HCRTR2: variants seen among roughly 807,000 people sequenced by gnomAD.
HCRTR2 encodes orexin receptor type 2.
A neutral mutation model predicts 49.0 loss-of-function variants in HCRTR2; 22 were observed. The observed-to-expected ratio is 0.45, with a 90% CI of 0.32 to 0.64. The LOEUF (loss-of-function observed/expected upper bound fraction) is 0.64, where lower values mean the gene tolerates loss of function less well. Ranked by LOEUF, HCRTR2 falls within the 30% of genes least tolerant of loss-of-function variation. The pLI is 0.04. For synonymous variants in HCRTR2, 236 were observed against 205.3 expected (o/e 1.15, Z -1.28); for missense variants, 491 against 559.4 (o/e 0.88, Z 1.23).
chr6:55,186,374 C>A (rs1765216525), intron 1 of HCRTR2, among the ~76,000 whole-genome samples: 1 of 151,978 alleles, frequency 6.6e-6, no homozygotes, highest in Non-Finnish European at 1.5e-5. Context: ...TTGTTTTATA[C>A]CTTGAGTAAC....
chr6:55,122,297 A>G (rs1487293958), intron 1 of HCRTR2, among the ~76,000 whole-genome samples: 1 of 152,064 alleles, frequency 6.6e-6, no homozygotes, highest in African/African-American at 2.4e-5. Flanking sequence ...TTTCTGTGGA[A>G]TCAGTGGTGA....
chr6:55,153,481 G>T (rs1474364442), intron 1 of HCRTR2, among the ~76,000 whole-genome samples: 1 of 151,932 alleles, frequency 6.6e-6, no homozygotes. Context: ...CATAGAAAAA[G>T]TACAGTAAAA....
At chr6:55,185,288 A>G (rs991753307) in intron 1 of HCRTR2, among the ~76,000 whole-genome samples, 4 of 152,192 alleles carry the variant, frequency 2.6e-5, no homozygotes, top group South Asian at 2.1e-4. Context: ...CTTTGGACAC[A>G]GGAAAACCTA....
intron 1 of HCRTR2, among the ~76,000 whole-genome samples, chr6:55,176,792 T>C (rs1765048047): frequency 6.6e-6 from 1 of 152,174 alleles, no homozygotes; most frequent in Non-Finnish European, 1.5e-5. Flanking sequence ...GTTTATTAGA[T>C]GTGTTCCTGT....
chr6:55,133,673 CT>C (rs1424885417), intron 1 of HCRTR2, among the ~76,000 whole-genome samples: 1 of 138,456 alleles, frequency 7.2e-6, no homozygotes, highest in Non-Finnish European at 1.6e-5. Flanking sequence ...ATCTATCTAT[CT>C]ATCTATCTAT....
intron 1 of HCRTR2, among the ~76,000 whole-genome samples, chr6:55,122,162 A>G (rs1471343430): frequency 1.3e-5 from 2 of 152,006 alleles, no homozygotes; most frequent in African/African-American, 4.8e-5. Context: ...GTCTATTCAG[A>G]GATTCAACTT....
chr6:55,180,965 ATT>A (rs11441768), intron 1 of HCRTR2, among the ~76,000 whole-genome samples: 6 of 139,340 alleles, frequency 4.3e-5, no homozygotes, highest in African/African-American at 5.3e-5. Flanking sequence ...ATGCCCAGCT[ATT>A]TTTTTTTTTT....
chr6:55,120,279 C>A (rs1764177877), intron 1 of HCRTR2, among the ~76,000 whole-genome samples: 1 of 150,134 alleles, frequency 6.7e-6, no homozygotes, highest in Non-Finnish European at 1.5e-5. Flanking sequence ...CATATTTTTT[C>A]CAATTCTGTG....
Position 55,166,236 on chromosome 6 carries a change from T to C in HCRTR2, c.-377-7975T>C, listed in dbSNP as rs77612804. ...TTGGATTCACTTTGCTGATATTTTG[T>C]TGAGGATTTCTGCATCTATAATCAT... On this transcript the variant is annotated intron_variant, in intron 1 of 7. Transcript: ENST00000615358. Among the ~76,000 whole-genome samples the C allele has an allele frequency of 4.3e-3, 658 of 152,234 alleles. 7 individuals are homozygous for C. The highest frequency in any genetic ancestry group is 0.015 in the African/African-American group (616 of 41,562).
chr6:55,227,496 G>A (rs1341198808), intron 1 of HCRTR2, among the ~76,000 whole-genome samples: 1 of 152,282 alleles, frequency 6.6e-6, no homozygotes, highest in Non-Finnish European at 1.5e-5. Flanking sequence ...AACATGGAAA[G>A]CATTAATGTT....
chr6:55,251,262 T>C (rs1243080975), intron 2 of HCRTR2, among the ~76,000 whole-genome samples: 2 of 152,138 alleles, frequency 1.3e-5, no homozygotes, highest in Non-Finnish European at 2.9e-5. Context: ...AATTTATATG[T>C]TCTTTTTCTT....
chr6:55,162,913 A>C (rs930655867), intron 1 of HCRTR2, among the ~76,000 whole-genome samples: 1 of 152,194 alleles, frequency 6.6e-6, no homozygotes, highest in African/African-American at 2.4e-5. Flanking sequence ...TATAGACTCA[A>C]TGCTATGTTC....
rs1767205169 is a variant in HCRTR2 at position 55,282,250 on chromosome 6, T to C, written c.1131T>C (p.Ala377=). 26 of 1,613,766 alleles carry C rather than the reference T, an allele frequency of 1.6e-5. No individual in the cohort carries two copies. The highest frequency in any genetic ancestry group is 2.1e-5 in the Non-Finnish European group (25 of 1,179,832). The change falls in exon 7 of 7, where the codon GCT becomes GCC. Residue 377 remains alanine (A), a synonymous_variant. Transcript: ENST00000370862. ...LSGKFREEFK[A]AFSCCCLGVH... ...GAAAATTTCGAGAGGAATTTAAAGC[T>C]GCGTTTTCTTGCTGTTGCCTTGGAG...
At chr6:55,262,849 A>G (rs1766793575) in intron 3 of HCRTR2, among the ~76,000 whole-genome samples, 1 of 149,920 alleles carries the variant, frequency 6.7e-6, no homozygotes, top group African/African-American at 2.4e-5. Flanking sequence ...ATATTAAACC[A>G]CAATGCCATG....
intron 1 of HCRTR2, among the ~76,000 whole-genome samples, chr6:55,158,010 G>A (rs1164391465): frequency 6.6e-6 from 1 of 152,158 alleles, no homozygotes; most frequent in East Asian, 1.9e-4. Flanking sequence ...TCCAGGAGGT[G>A]GCTGGCAAGA....
chr6:55,118,122 G>T (rs901470552), intron 1 of HCRTR2, among the ~76,000 whole-genome samples: 5 of 151,674 alleles, frequency 3.3e-5, no homozygotes, highest in Non-Finnish European at 7.4e-5. Flanking sequence ...TCATCATTTA[G>T]CTCCCACCTA....
chr6:55,131,647 T>C (rs1442140032), intron 1 of HCRTR2, among the ~76,000 whole-genome samples: 1 of 151,832 alleles, frequency 6.6e-6, no homozygotes, highest in Admixed American at 6.6e-5. Flanking sequence ...AATAACAATT[T>C]TGAAAATAGT....
intron 1 of HCRTR2, among the ~76,000 whole-genome samples, chr6:55,137,745 C>T (rs759299732): frequency 3.3e-5 from 5 of 152,130 alleles, no homozygotes; most frequent in African/African-American, 1.2e-4. Context: ...ACAAAAAAGA[C>T]AGAATATTAA....
chr6:55,135,976 C>T (rs369687375), intron 1 of HCRTR2, among the ~76,000 whole-genome samples: 3 of 152,198 alleles, frequency 2.0e-5, no homozygotes, highest in East Asian at 1.9e-4. Flanking sequence ...GGCTCTAAAA[C>T]GTAGAACATT....
Sources: gnomAD v4.1 joint callset for allele counts (sites outside exome capture counted in the v4.1 genomes callset) on GRCh38, gnomAD v4.1.1 for gene constraint, MANE v1.5 for transcripts, NCBI Gene and HGNC (gene_info 2026-07-23, HGNC 2026-07-21) for gene names.